DCC: variants seen among roughly 807,000 people sequenced by gnomAD.
DCC encodes DCC netrin 1 receptor, also known as netrin receptor DCC.
Under a neutral mutation model 172.5 loss-of-function variants are expected in DCC, and 58 were observed. The observed-to-expected ratio is 0.34, with a 90% CI of 0.27 to 0.42. The LOEUF is 0.42. Ranked by LOEUF, DCC falls within the 10% of genes least tolerant of loss-of-function variation. The pLI, the probability that DCC is intolerant of heterozygous loss-of-function variation, is 1.00. For synonymous variants in DCC, 709 were observed against 644.5 expected (o/e 1.10, Z -1.52); for missense variants, 1,740 against 1,791.0 (o/e 0.97, Z 0.51).
chr18:52,593,590 T>G (rs907567653), intron 1 of DCC, among the ~76,000 whole-genome samples: 2 of 152,204 alleles, frequency 1.3e-5, no homozygotes, highest in African/African-American at 4.8e-5. Flanking sequence ...AATATTTACA[T>G]GTATAACCTA....
intron 5 of DCC, among the ~76,000 whole-genome samples, chr18:53,018,754 C>T (rs2041841702): frequency 1.3e-5 from 2 of 152,072 alleles, no homozygotes; most frequent in African/African-American, 4.8e-5. Flanking sequence ...GAAGATACAC[C>T]TGTTTGATGA....
intron 2 of DCC, among the ~76,000 whole-genome samples, chr18:52,870,361 A>AC (rs1187861497): frequency 6.6e-6 from 1 of 151,938 alleles, no homozygotes; most frequent in African/African-American, 2.4e-5. Flanking sequence ...TCCTGCCACC[A>AC]CCACTCGCAC....
At chr18:52,493,588 A>T (rs2030610194) in intron 1 of DCC, among the ~76,000 whole-genome samples, 1 of 151,852 alleles carries the variant, frequency 6.6e-6, no homozygotes, top group Non-Finnish European at 1.5e-5. Flanking sequence ...GTTCATATAT[A>T]TTATTTTATT....
chr18:52,859,046 C>T lies in DCC; in HGVS notation c.413-46998C>T, dbSNP rs145344625. On this transcript the variant is annotated intron_variant, in intron 2 of 28. Coordinates refer to ENST00000442544, the MANE Select transcript of DCC (RefSeq NM_005215.4). ...AAAATGGCCCATTGGCTCATGCCTG[C>T]CATCCCAGCACTTTGGGAGGCCAAG... 5.6e-3 allele frequency among the ~76,000 whole-genome samples: 850 copies of T among 152,218 alleles called. 5 individuals carry two copies. Among genetic ancestry groups the T allele is most frequent in the African/African-American group, 0.02 (819 of 41,540 alleles).
chr18:53,318,886 GA>G, intron 13 of DCC, among the ~76,000 whole-genome samples: 1 of 151,982 alleles, frequency 6.6e-6, no homozygotes, highest in East Asian at 1.9e-4. Context: ...TCCACAAAGG[GA>G]AGCCCATCAG....
rs184330660 is a variant in DCC, at chr18:53,530,916, G to C, written c.*263G>C. The C allele has an allele frequency of 1.2e-4, 70 of 567,474 alleles. No homozygotes were observed. Among genetic ancestry groups the C allele is most frequent in the Admixed American group, 2.0e-4 (7 of 35,846 alleles). The allele number at this position is 567,474 out of a possible 1,614,324, so 35.2% of individuals were successfully genotyped here. A position where few individuals can be genotyped will look rare whatever the true frequency, so the allele number is the denominator to read the frequency against. Reference sequence around the variant, plus strand: ...TCACTGCAATGTCAAAGTTTAAGCTGCTAGAATAGTCATGGGCCTTTGTCA... The same window carrying C: ...TCACTGCAATGTCAAAGTTTAAGCTCCTAGAATAGTCATGGGCCTTTGTCA... On this transcript the variant is annotated 3_prime_UTR_variant, in exon 29 of 29. Coordinates refer to ENST00000442544, the MANE Select transcript of DCC (RefSeq NM_005215.4).
chr18:52,383,842 A>G (rs1240073985), intron 1 of DCC, among the ~76,000 whole-genome samples: 13 of 152,040 alleles, frequency 8.6e-5, no homozygotes, highest in Admixed American at 8.5e-4. Context: ...CATTTACCAC[A>G]GAAATTTTCA....
intron 12 of DCC, among the ~76,000 whole-genome samples, chr18:53,249,843 A>G (rs2056407902): frequency 6.6e-6 from 1 of 151,910 alleles, no homozygotes; most frequent in Admixed American, 6.6e-5. Flanking sequence ...ATTAATTGTA[A>G]ATCTCTGAAG....
At chr18:53,337,877 C>T (rs561042027) in intron 14 of DCC, among the ~76,000 whole-genome samples, 1 of 152,244 alleles carries the variant, frequency 6.6e-6, no homozygotes, top group African/African-American at 2.4e-5. Context: ...TACCTCTAGT[C>T]ATCAGATTTC....
At chr18:53,508,905 C>T (rs1353752329) in intron 27 of DCC, among the ~76,000 whole-genome samples, 4 of 152,210 alleles carry the variant, frequency 2.6e-5, no homozygotes, top group Admixed American at 1.3e-4. Flanking sequence ...CACTGTCTCA[C>T]TTAAATGGTC....
intron 12 of DCC, among the ~76,000 whole-genome samples, chr18:53,235,333 G>A (rs1459302742): frequency 6.6e-6 from 1 of 152,148 alleles, no homozygotes; most frequent in South Asian, 2.1e-4. Flanking sequence ...CCTGTCTGCT[G>A]TCTCACTTTA....
At chr18:53,335,778 A>G (rs1387184668) in intron 14 of DCC, among the ~76,000 whole-genome samples, 2 of 152,174 alleles carry the variant, frequency 1.3e-5, no homozygotes, top group Non-Finnish European at 2.9e-5. Context: ...TACAGAAGCA[A>G]GAGGTTTAAT....
rs145610592 is a variant in DCC at position 53,330,612 on chromosome 18, C to T, written c.2164+8455C>T. 3.4e-3 allele frequency among the ~76,000 whole-genome samples: 512 copies of T among 152,292 alleles called. 1 individual carries two copies. The highest frequency in any genetic ancestry group is 0.014 in the Middle Eastern group (4 of 294). Reference sequence around the variant, plus strand: ...TCAGTTCGCTGCTCAGATTCTTCTCCATGTGGTCCTTCCCTCAGCCTCAAG... The same window carrying T: ...TCAGTTCGCTGCTCAGATTCTTCTCTATGTGGTCCTTCCCTCAGCCTCAAG... On this transcript the variant is annotated intron_variant, in intron 14 of 28. Coordinates refer to ENST00000442544, the MANE Select transcript of DCC (RefSeq NM_005215.4).
At chr18:52,803,054 G>T (rs1055579830) in intron 2 of DCC, among the ~76,000 whole-genome samples, 2 of 152,044 alleles carry the variant, frequency 1.3e-5, no homozygotes, top group African/African-American at 2.4e-5. Context: ...TGAAGTGGTG[G>T]GCAATGCAGC....
At chr18:52,689,142 C>T (rs1026039715) in intron 1 of DCC, among the ~76,000 whole-genome samples, 1 of 152,052 alleles carries the variant, frequency 6.6e-6, no homozygotes, top group African/African-American at 2.4e-5. Flanking sequence ...TTATTGAGTA[C>T]CTTCTAAGCA....
chr18:52,692,229 A>G (rs2035939695), intron 1 of DCC, among the ~76,000 whole-genome samples: 1 of 152,116 alleles, frequency 6.6e-6, no homozygotes, highest in Non-Finnish European at 1.5e-5. Flanking sequence ...TTATTTTTCA[A>G]TCTTCTGTCA....
intron 15 of DCC, among the ~76,000 whole-genome samples, chr18:53,355,754 C>G (rs1279622664): frequency 6.6e-6 from 1 of 152,104 alleles, no homozygotes; most frequent in Non-Finnish European, 1.5e-5. Flanking sequence ...TAATTGAATA[C>G]CCTTTATTTC....
chr18:53,302,358 C>G lies in DCC; in HGVS notation c.1912-3220C>G, dbSNP rs190961620. On this transcript the variant is annotated intron_variant, in intron 12 of 28. Transcript: ENST00000442544. ...CCAAAAAGTCTACTGGTACCCATTTCCAATCAAAACCCAGAACAACTATTT... is the reference window on the plus strand; with the variant it reads ...CCAAAAAGTCTACTGGTACCCATTTGCAATCAAAACCCAGAACAACTATTT... Among the ~76,000 whole-genome samples the G allele has an allele frequency of 7.9e-5, 12 of 152,192 alleles. No individual in the cohort carries two copies. In the East Asian group the frequency reaches 2.3e-3, roughly 29 times the overall value.
chr18:52,732,479 T>G (rs2036658580), intron 1 of DCC, among the ~76,000 whole-genome samples: 1 of 152,324 alleles, frequency 6.6e-6, no homozygotes, highest in Middle Eastern at 3.4e-3. Flanking sequence ...TACTTTCATT[T>G]CTGATGATTA....
Sources: gnomAD v4.1 joint callset for allele counts (sites outside exome capture counted in the v4.1 genomes callset) on GRCh38, gnomAD v4.1.1 for gene constraint, MANE v1.5 for transcripts, NCBI Gene and HGNC (gene_info 2026-07-23, HGNC 2026-07-21) for gene names.